The following RUVBL2 variants were observed in gnomAD, a reference collection of about 807,000 sequenced individuals.
RUVBL2 encodes the protein RuvB like AAA ATPase 2, also known as ruvB-like 2.
In RUVBL2, 9 loss-of-function variants were observed where a neutral mutation model predicts 57.9. That is an observed-to-expected ratio of 0.16 (90% CI 0.09 to 0.27). RUVBL2 has a LOEUF of 0.27. Among genes scored for constraint, RUVBL2 ranks in the 10% least tolerant of loss-of-function variants. The pLI is 1.00. For missense variants in RUVBL2, 456 were observed against 669.6 expected, an observed-to-expected ratio of 0.68 and a Z score of 3.52; for synonymous variants, 278 against 264.6, an observed-to-expected ratio of 1.05 and a Z score of -0.49.
rs747579781 is a variant in RUVBL2 at position 49,011,362 on chromosome 19, G to A, written c.1001+52G>A. Reference sequence around the variant, plus strand: ...GAAAACAGGATGCTCTGGGCAGTGGGTGTGGTCAGAGGGTCAATGGGAGCC... The same window carrying A: ...GAAAACAGGATGCTCTGGGCAGTGGATGTGGTCAGAGGGTCAATGGGAGCC... On this transcript the variant is annotated intron_variant, in intron 11 of 14. Transcript: ENST00000595090. The surrounding 1 kb of genome is among the most constrained non-coding windows in gnomAD (Gnocchi z 4.4). The A allele has an allele frequency of 6.8e-6, 10 of 1,460,962 alleles. No individual in the cohort carries two copies. The South Asian group carries it at 7.9e-5, about 12-fold the overall frequency. 90.5% of individuals were successfully genotyped at this position (1,460,962 alleles called of 1,614,324 possible).
At chr19:49,014,674 C>A (rs1300348888) in intron 12 of RUVBL2, 71 bp downstream of exon 12, 3 of 1,579,516 alleles carry the variant, frequency 1.9e-6, no homozygotes, top group Non-Finnish European at 2.6e-6. Flanking sequence ...AATGCTGACA[C>A]TGAGGTCCAG....
At chr19:49,013,306 C>T (rs1218110865) in intron 11 of RUVBL2, among the ~76,000 whole-genome samples, 1 of 148,942 alleles carries the variant, frequency 6.7e-6, no homozygotes, top group Non-Finnish European at 1.5e-5. Flanking sequence ...TGCCATGTTG[C>T]CCAGGCTGGT....
intron 1 of RUVBL2, among the ~76,000 whole-genome samples, chr19:48,995,544 G>C (rs1283050965): frequency 6.6e-6 from 1 of 151,660 alleles, no homozygotes; most frequent in East Asian, 1.9e-4. Context: ...CCTCTCTAGG[G>C]GAAGAAGAGA....
chr19:49,015,148 A>G lies in RUVBL2; in HGVS notation c.1249A>G (p.Lys417Glu). The G allele has an allele frequency of 1.2e-6, 2 of 1,606,904 alleles. No individual in the cohort carries two copies. Among genetic ancestry groups the G allele is most frequent in the South Asian group, 1.1e-5 (1 of 90,042 alleles). ...TGCCAGCTTGGTGTGCCGGAAACGC[A>G]AGGTCAGCCGGCCGAATTAGCCAGC... ...TAASLVCRKR[K>E]GTEVQVDDIK... Residue 417 changes from lysine (K) to glutamate (E), a missense_variant and splice_region_variant, in exon 13 of 15, where the codon AAG becomes GAG. Lys to Glu is a moderately conservative substitution (Grantham distance 56, BLOSUM62 1). Around this residue, in one of 5 missense-constraint regions of RUVBL2, gnomAD observed 67 missense variants for 71.5 expected, o/e 0.94. Coordinates refer to ENST00000595090, the MANE Select transcript of RUVBL2 (RefSeq NM_006666.3).
At position 48,999,328 on chromosome 19, in the gene RUVBL2, A is replaced by G. The variant is rs200054432; in HGVS notation, c.22A>G (p.Thr8Ala). The change falls in exon 2 of 15, where the codon ACC becomes GCC. Residue 8 changes from threonine to alanine, a missense_variant. Thr to Ala is a moderately conservative substitution (Grantham distance 58). Around this residue, in one of 5 missense-constraint regions of RUVBL2, gnomAD observed 22 missense variants for 23.9 expected, o/e 0.92. Coordinates refer to ENST00000595090, the MANE Select transcript of RUVBL2 (RefSeq NM_006666.3). ...CTTCTTGCACCCCCAGACAGCCACA[A>G]CCAAAGTCCCGGAGATCCGTGATGT... MATVTAT[T>A]KVPEIRDVTR... The G allele has an allele frequency of 4.0e-5, 64 of 1,614,222 alleles. No homozygotes were observed. Among genetic ancestry groups the G allele is most frequent in the Non-Finnish European group, 5.0e-5 (59 of 1,180,042 alleles).
chr19:49,007,158 G>A lies in RUVBL2; in HGVS notation c.395+11G>A. ...CGGCGTTCGCATCAAGTAAGCGGGG[G>A]ACCCGAGGCGGGTGCCAGACCCCAG... On this transcript the variant is annotated intron_variant, in intron 5 of 14. Transcript: ENST00000595090. 2 of 1,613,176 alleles carry A rather than the reference G, an allele frequency of 1.2e-6. No individual in the cohort carries two copies. Among genetic ancestry groups the A allele is most frequent in the African/African-American group, 1.3e-5 (1 of 75,072 alleles).
At position 48,993,906 on chromosome 19, in the gene RUVBL2, A is replaced by G. The variant is rs763304468; in HGVS notation, c.-6A>G. ...TCCGCTAGGACTCTGGCAGTTGGTG[A>G]GCATCATGGCAACCGTTGTAAGTGT... is the stretch of plus-strand genomic sequence containing the variant. On this transcript the variant is annotated 5_prime_UTR_variant, in exon 1 of 15. Transcript: ENST00000595090. 2 of 1,614,054 alleles carry G rather than the reference A, an allele frequency of 1.2e-6. No homozygotes were observed. Among genetic ancestry groups the G allele is most frequent in the Non-Finnish European group, 8.5e-7 (1 of 1,179,992 alleles).
chr19:48,999,826 C>T (rs1161849220), intron 2 of RUVBL2, among the ~76,000 whole-genome samples: 1 of 152,102 alleles, frequency 6.6e-6, no homozygotes, highest in East Asian at 1.9e-4. Context: ...TCGCAGTAGC[C>T]GCATGAGGTG....
intron 1 of RUVBL2, among the ~76,000 whole-genome samples, chr19:48,996,219 G>A (rs1000983933): frequency 2.0e-5 from 3 of 151,986 alleles, no homozygotes; most frequent in Non-Finnish European, 2.9e-5. Context: ...TAGCATGCTA[G>A]CTTCTTAGGC....
At chr19:49,007,776 C>T (rs185353986) in intron 6 of RUVBL2, among the ~76,000 whole-genome samples, 2 of 152,238 alleles carry the variant, frequency 1.3e-5, no homozygotes, top group African/African-American at 4.8e-5. Context: ...GCAATCTCGG[C>T]TCACTGCAAC....
intron 1 of RUVBL2, 93 bp downstream of exon 1, chr19:48,994,016 G>C: frequency 1.3e-6 from 2 of 1,514,112 alleles, no homozygotes; most frequent in Admixed American, 1.8e-5. Flanking sequence ...GGGTCTGAGG[G>C]AGGGGGGATC....
rs1600193053 is a variant in RUVBL2 at position 49,011,231 on chromosome 19, A to T, written c.922A>T (p.Ser308Cys). 3 of 1,613,838 alleles carry T rather than the reference A, an allele frequency of 1.9e-6. No individual in the cohort carries two copies. Among genetic ancestry groups the T allele is most frequent in the Non-Finnish European group, 2.5e-6 (3 of 1,179,994 alleles). The part of the protein sequence containing the change: ...IDEVHMLDIE[S>C]FSFLNRALES... ...CGAGGTCCACATGCTGGACATCGAG[A>T]GCTTCTCCTTCCTCAACCGGGCCCT... Residue 308 changes from serine (S) to cysteine (C), a missense_variant, in exon 11 of 15, where the codon AGC becomes TGC. Physicochemically the swap from Ser to Cys is moderately radical, Grantham distance 112 (BLOSUM62 -1). Transcript: ENST00000595090. This position sits in a 1 kb window ranked among gnomAD's most constrained non-coding sequence, Gnocchi z 4.4.
At chr19:49,007,829 C>A (rs747517763) in intron 6 of RUVBL2, among the ~76,000 whole-genome samples, 6 of 151,996 alleles carry the variant, frequency 3.9e-5, no homozygotes, top group Non-Finnish European at 5.9e-5. Flanking sequence ...CTCAGCCTTC[C>A]GAGTAGCTGA....
At chr19:48,994,038 A>G in intron 1 of RUVBL2, 115 bp downstream of exon 1, 1 of 1,098,626 alleles carries the variant, frequency 9.1e-7, no homozygotes, top group Non-Finnish European at 1.3e-6. Flanking sequence ...GGGGGTTCAG[A>G]CTCCTGGGTC....
intron 4 of RUVBL2, among the ~76,000 whole-genome samples, chr19:49,005,515 G>A (rs2039265390): frequency 1.3e-5 from 2 of 152,122 alleles, no homozygotes; most frequent in Non-Finnish European, 2.9e-5. Flanking sequence ...GGATACCTGA[G>A]CTAAGCCTAG....
chr19:49,015,853 AT>A lies in RUVBL2; in HGVS notation c.*12del. 6.2e-7 allele frequency: 1 copy of A among 1,614,152 alleles called. No homozygotes were observed. ...ATGGACACCTCCTGAGTTGGATGTC[AT>A]CCCCCGACCCCACCCTGTTTTCCAC... is the stretch of plus-strand genomic sequence containing the variant. On this transcript the variant is annotated 3_prime_UTR_variant, in exon 15 of 15. Coordinates refer to ENST00000595090, the MANE Select transcript of RUVBL2 (RefSeq NM_006666.3).
rs572946505 is a variant in RUVBL2, at chr19:48,997,764, G to A, written c.13-1555G>A. Among the ~76,000 whole-genome samples, 3 of 152,074 alleles carry A rather than the reference G, an allele frequency of 2.0e-5. No homozygotes were observed. The South Asian group carries it at 6.2e-4, about 32-fold the overall frequency. On this transcript the variant is annotated intron_variant, in intron 1 of 14. Coordinates refer to ENST00000595090, the MANE Select transcript of RUVBL2 (RefSeq NM_006666.3). Reference sequence around the variant, plus strand: ...ACATGTGGGTTGTTTCTATCTTTTGGCTGTTGTGAATAGTGCTGCCGTGAA... The same window carrying A: ...ACATGTGGGTTGTTTCTATCTTTTGACTGTTGTGAATAGTGCTGCCGTGAA...
At chr19:49,004,498 CGCCT>C (rs1441965748) in intron 4 of RUVBL2, 80 bp downstream of exon 4, 1 of 1,393,960 alleles carries the variant, frequency 7.2e-7, no homozygotes. Context: ...CAGGATGAGC[CGCCT>C]TTAACAGATG....
chr19:49,003,388 TG>T lies in RUVBL2; in HGVS notation c.123+57del, dbSNP rs2039221032. 5.2e-6 allele frequency: 8 copies of T among 1,525,858 alleles called. 1 individual carries two copies. The East Asian group carries it at 1.8e-4, about 34-fold the overall frequency. The allele number at this position is 1,525,858 out of a possible 1,614,324, so 94.5% of individuals were successfully genotyped here. The stretch of plus-strand genomic sequence containing the variant: ...GCCTCTCCATGAAGGTCTTGGGTAG[TG>T]GGTACCCAGGGTCCTGGGGAGTGTG... On this transcript the variant is annotated intron_variant, in intron 3 of 14. Coordinates refer to ENST00000595090, the MANE Select transcript of RUVBL2 (RefSeq NM_006666.3).
Sources: gnomAD v4.1 joint callset for allele counts (sites outside exome capture counted in the v4.1 genomes callset) on GRCh38, gnomAD v4.1.1 for gene constraint, gnomAD v4.1.1 regional missense constraint, Gnocchi (gnomAD v3.1) non-coding constraint, MANE v1.5 for transcripts, NCBI Gene and HGNC (gene_info 2026-07-23, HGNC 2026-07-21) for gene names.